Variants in ADGRD1 observed in about 807,000 individuals in gnomAD.
ADGRD1 encodes G-protein coupled receptor 133.
Under a neutral mutation model 113.4 loss-of-function variants are expected in ADGRD1, and 77 were observed. That is an observed-to-expected ratio of 0.68 (90% CI 0.57 to 0.82). ADGRD1 has a LOEUF of 0.82. Ranked by LOEUF, ADGRD1 falls within the 40% of genes least tolerant of loss-of-function variation. ADGRD1 has a pLI of 0.00. For synonymous variants in ADGRD1, 474 were observed against 475.0 expected, an observed-to-expected ratio of 1.00 and a Z score of 0.03; for missense variants, 1,036 against 1,139.1, an observed-to-expected ratio of 0.91 and a Z score of 1.30.
intron 13 of ADGRD1, among the ~76,000 whole-genome samples, chr12:131,038,699 G>T (rs368222555): frequency 2.6e-5 from 4 of 152,176 alleles, no homozygotes; most frequent in African/African-American, 9.7e-5. Context: ...ACTCTGCCAC[G>T]AGAGCACAGC....
At chr12:131,048,396 T>A (rs1593119394) in intron 13 of ADGRD1, among the ~76,000 whole-genome samples, 1 of 152,244 alleles carries the variant, frequency 6.6e-6, no homozygotes, top group East Asian at 1.9e-4. Context: ...CAGCCGCCCA[T>A]CCTCGGGTGT....
intron 4 of ADGRD1, chr12:130,978,483 T>C (rs1872583500): frequency 6.6e-6 from 1 of 152,226 alleles, no homozygotes; most frequent in Non-Finnish European, 1.5e-5. Context: ...TTTTTCCTTG[T>C]TGTATTGATG....
intron 24 of ADGRD1, 88 bp from the exon 25 acceptor site, chr12:131,139,080 A>T: frequency 1.1e-6 from 1 of 898,594 alleles, no homozygotes; most frequent in Non-Finnish European, 1.8e-6. Context: ...TCGGGCAGCT[A>T]TGGGCCCAAT....
intron 13 of ADGRD1, among the ~76,000 whole-genome samples, chr12:131,048,562 G>A (rs1406022480): frequency 1.3e-5 from 2 of 152,170 alleles, no homozygotes; most frequent in East Asian, 1.9e-4. Context: ...GGTGATCCGG[G>A]GCTCCATGGA....
rs111994754 is a variant in ADGRD1 at position 131,139,311 on chromosome 12, C to CA, written c.*48_*49insA. On this transcript the variant is annotated 3_prime_UTR_variant, in exon 25 of 25. Coordinates refer to ENST00000261654, the MANE Select transcript of ADGRD1 (RefSeq NM_198827.5). ...CAGGCTGCGCTCAGAACACACCCCC[C>CA]CAAACAGAATGAAATGCCCCACCTT... 2.1e-5 allele frequency: 27 copies of CA among 1,307,084 alleles called. No individual in the cohort carries two copies. In the Middle Eastern group the frequency reaches 5.4e-4, roughly 26 times the overall value. 81.0% of individuals were successfully genotyped at this position (1,307,084 alleles called of 1,614,324 possible). A position where few individuals can be genotyped will look rare whatever the true frequency, so the allele number is the denominator to read the frequency against.
At chr12:131,023,399 C>G (rs73475044) in intron 13 of ADGRD1, 1 of 152,214 alleles carries the variant, frequency 6.6e-6, no homozygotes, top group Admixed American at 6.5e-5. Flanking sequence ...GGCGCACCCC[C>G]GCTCTGTCTC....
At chr12:131,112,896 G>C (rs1046610343) in intron 18 of ADGRD1, among the ~76,000 whole-genome samples, 32 of 152,252 alleles carry the variant, frequency 2.1e-4, no homozygotes, top group African/African-American at 5.5e-4. Flanking sequence ...GCCACACCCT[G>C]CATACTATGA....
chr12:131,038,972 C>G (rs1346126673), intron 13 of ADGRD1, among the ~76,000 whole-genome samples: 1 of 152,212 alleles, frequency 6.6e-6, no homozygotes, highest in African/African-American at 2.4e-5. Flanking sequence ...CAAGGCTGTC[C>G]CCCTAGGGAG....
intron 13 of ADGRD1, among the ~76,000 whole-genome samples, chr12:131,044,238 T>C (rs2136999977): frequency 6.6e-6 from 1 of 152,256 alleles, no homozygotes; most frequent in African/African-American, 2.4e-5. Flanking sequence ...CGCTGAGTCT[T>C]GTTAGAAGGA....
At chr12:130,975,270 C>T (rs1203892114) in intron 4 of ADGRD1, among the ~76,000 whole-genome samples, 4 of 152,194 alleles carry the variant, frequency 2.6e-5, no homozygotes, top group Admixed American at 1.3e-4. Flanking sequence ...GCTCCCCCTA[C>T]ATTTCTTCCC....
chr12:131,001,477 T>C (rs138213914), intron 9 of ADGRD1, among the ~76,000 whole-genome samples: 13 of 152,372 alleles, frequency 8.5e-5, no homozygotes, highest in African/African-American at 3.1e-4. Context: ...ATACTGTATA[T>C]TTGACTTAAT....
chr12:131,102,698 A>T (rs1284417156), intron 15 of ADGRD1, among the ~76,000 whole-genome samples: 1 of 152,204 alleles, frequency 6.6e-6, no homozygotes, highest in African/African-American at 2.4e-5. Flanking sequence ...CCCAGGGGAC[A>T]TCGTGGCACC....
intron 13 of ADGRD1, among the ~76,000 whole-genome samples, chr12:131,063,414 A>G (rs567940062): frequency 6.6e-6 from 1 of 152,268 alleles, no homozygotes; most frequent in East Asian, 1.9e-4. Flanking sequence ...CTTTGTTTTT[A>G]TCTAAAAGTG....
At chr12:131,056,921 C>T (rs966273189) in intron 13 of ADGRD1, among the ~76,000 whole-genome samples, 1 of 152,130 alleles carries the variant, frequency 6.6e-6, no homozygotes, top group African/African-American at 2.4e-5. Flanking sequence ...CTGAAGACAC[C>T]CATGTCCCAG....
At chr12:130,978,870 G>C (rs540670930) in intron 4 of ADGRD1, 3 of 152,198 alleles carry the variant, frequency 2.0e-5, no homozygotes, top group Admixed American at 6.5e-5. Context: ...ATTTCACAAC[G>C]CACTGTGCTG....
chr12:131,108,766 C>A lies in ADGRD1; in HGVS notation c.1930C>A (p.Leu644Met). 2 of 1,614,156 alleles carry A rather than the reference C, an allele frequency of 1.2e-6. No individual in the cohort carries two copies. Among genetic ancestry groups the A allele is most frequent in the Non-Finnish European group, 1.7e-6 (2 of 1,180,028 alleles). The change falls in exon 18 of 25, where the codon CTG becomes ATG. Residue 644 changes from leucine (L) to methionine (M), a missense_variant. Transcript: ENST00000261654. ...VMAVLLHYFFLSAFAWMLVEG... is the reference protein window; with the variant it reads ...VMAVLLHYFFMSAFAWMLVEG... ...GGCCGTGCTCCTACACTACTTCTTC[C>A]TGAGTGCCTTCGCATGGATGCTGGT...
In ADGRD1 at chr12:131,084,979, G is replaced by A. The variant is rs1441787235; in HGVS notation, c.1671+316G>A. 2.0e-5 allele frequency among the ~76,000 whole-genome samples: 3 copies of A among 152,248 alleles called. No homozygotes were observed. Among genetic ancestry groups the A allele is most frequent in the Admixed American group, 1.3e-4 (2 of 15,290 alleles). ...CCTCATCCCTCCATCTGTCCCTCTG[G>A]CAGATTCTCACTGGGCGCCTGCTGG... is the stretch of plus-strand genomic sequence containing the variant. On this transcript the variant is annotated intron_variant, in intron 15 of 24. Transcript: ENST00000261654. The surrounding 1 kb of genome is among the most constrained non-coding windows in gnomAD (Gnocchi z 4.5).
intron 4 of ADGRD1, chr12:130,978,156 T>A (rs1306283200): frequency 1.3e-5 from 2 of 152,218 alleles, no homozygotes; most frequent in Admixed American, 1.3e-4. Flanking sequence ...TCCTTTGTCT[T>A]ATGCCGTGGT....
chr12:130,995,805 G>C (rs1413585525), intron 8 of ADGRD1, among the ~76,000 whole-genome samples: 2 of 144,794 alleles, frequency 1.4e-5, no homozygotes, highest in African/African-American at 2.6e-5. Context: ...GGTGTTTCTC[G>C]CAGAGGGGGA....
Sources: gnomAD v4.1 joint callset for allele counts (sites outside exome capture counted in the v4.1 genomes callset) on GRCh38, gnomAD v4.1.1 for gene constraint, Gnocchi (gnomAD v3.1) non-coding constraint, MANE v1.5 for transcripts, NCBI Gene and HGNC (gene_info 2026-07-23, HGNC 2026-07-21) for gene names.